The following ITPR1 variants were observed in gnomAD, a reference collection of about 807,000 sequenced individuals.
ITPR1 encodes the protein inositol 1,4,5-trisphosphate receptor type 1.
ITPR1 carries 96 observed loss-of-function variants against 318.4 expected under a neutral mutation model. The ratio of observed to expected loss-of-function variants is 0.30; its 90% CI spans 0.26 to 0.36. ITPR1 has a LOEUF of 0.36. ITPR1 is among the 10% of genes least tolerant of loss of function. ITPR1 has a pLI of 1.00. For missense variants in ITPR1, 2,440 were observed against 3,460.2 expected (o/e 0.71, Z 7.40); for synonymous variants, 1,312 against 1,289.9 (o/e 1.02, Z -0.37).
chr3:4,677,434 G>A (rs1162508520), intron 24 of ITPR1, among the ~76,000 whole-genome samples: 1 of 152,166 alleles, frequency 6.6e-6, no homozygotes, highest in Non-Finnish European at 1.5e-5. Context: ...GGTTATCAGA[G>A]AAGGCCTCTC....
chr3:4,652,329 C>A, intron 11 of ITPR1, 111 bp downstream of exon 11: 1 of 705,318 alleles, frequency 1.4e-6, no homozygotes, highest in South Asian at 1.8e-5. Context: ...TACACTCAGT[C>A]ACCTTGCTTT....
At chr3:4,769,553 G>C (rs2046053639) in intron 46 of ITPR1, among the ~76,000 whole-genome samples, 1 of 152,210 alleles carries the variant, frequency 6.6e-6, no homozygotes, top group Non-Finnish European at 1.5e-5. Context: ...AATATTTGCT[G>C]AACTGATTAT....
chr3:4,740,749 A>G (rs2043641180), intron 44 of ITPR1, among the ~76,000 whole-genome samples: 1 of 152,214 alleles, frequency 6.6e-6, no homozygotes, highest in African/African-American at 2.4e-5. Flanking sequence ...CCATCAGAGC[A>G]GGCTTCACAT....
At chr3:4,747,894 G>T (rs1190275746) in intron 44 of ITPR1, among the ~76,000 whole-genome samples, 5 of 152,210 alleles carry the variant, frequency 3.3e-5, no homozygotes, top group Admixed American at 2.6e-4. Context: ...ATGTTCTTTG[G>T]CATCATGTGA....
In ITPR1 at chr3:4,766,427, G is replaced by C. The variant is rs909869562; in HGVS notation, c.5545-103G>C. ...TGATCTAAACTTAGATCATGCGTGA[G>C]GTTTTGCAACTGGCTCTGATCTTCA... On this transcript the variant is annotated intron_variant, in intron 44 of 61. Transcript: ENST00000649015. The C allele has an allele frequency of 9.0e-6, 8 of 886,592 alleles. 1 individual carries two copies. The highest frequency in any genetic ancestry group is 2.4e-5 in the East Asian group (1 of 41,124). The allele number at this position is 886,592 out of a possible 1,614,324, so 54.9% of individuals were successfully genotyped here. A position where few individuals can be genotyped will look rare whatever the true frequency, so the allele number is the denominator to read the frequency against.
Position 4,779,633 on chromosome 3 carries a change from G to A in ITPR1, c.6375G>A (p.Arg2125=). The A allele has an allele frequency of 6.2e-7, 1 of 1,610,462 alleles. No homozygotes were observed. Among genetic ancestry groups the A allele is most frequent in the Non-Finnish European group, 8.5e-7 (1 of 1,177,332 alleles). ...CAGAGAGGATACTTTATAACATGAG[G>A]CCCAAGGAACTGGTGAGTCGGGTGA... ...ENAERILYNM[R]PKELVEVIKK... Residue 2125 remains arginine, a synonymous_variant, in exon 49 of 62, where the codon AGG becomes AGA. Coordinates refer to ENST00000649015, the MANE Select transcript of ITPR1 (RefSeq NM_001378452.1). This position sits in a 1 kb window ranked among gnomAD's most constrained non-coding sequence, Gnocchi z 4.0.
chr3:4,607,645 G>C (rs949164966), intron 4 of ITPR1, among the ~76,000 whole-genome samples: 4 of 152,088 alleles, frequency 2.6e-5, no homozygotes. Context: ...TTGGGGAAAG[G>C]TGGGGGTGGC....
intron 4 of ITPR1, among the ~76,000 whole-genome samples, chr3:4,604,669 C>CTGGG (rs201314056): frequency 0.011 from 1,696 of 152,136 alleles, 32 homozygotes; most frequent in Middle Eastern, 0.041. Context: ...GTCATCTTAG[C>CTGGG]TGGGAAGGGG....
chr3:4,503,859 A>C (rs191958495), intron 2 of ITPR1, among the ~76,000 whole-genome samples: 1,574 of 152,230 alleles, frequency 0.01, 23 homozygotes, highest in African/African-American at 0.036. Context: ...CTATGTGGGC[A>C]GAGGGGTGTC....
At chr3:4,689,751 T>C (rs2094451971) in intron 31 of ITPR1, among the ~76,000 whole-genome samples, 1 of 152,240 alleles carries the variant, frequency 6.6e-6, no homozygotes, top group South Asian at 2.1e-4. Flanking sequence ...AGAATCTTCA[T>C]GGCTGTGTGG....
At chr3:4,733,265 T>G (rs1295699447) in intron 43 of ITPR1, 45 bp downstream of exon 43, 3 of 1,602,064 alleles carry the variant, frequency 1.9e-6, no homozygotes, top group Non-Finnish European at 2.6e-6. Flanking sequence ...ATCAAGTGTG[T>G]TCTGTGATAG....
At position 4,621,386 on chromosome 3, in the gene ITPR1, A is replaced by G. The variant is rs114837994; in HGVS notation, c.164-6377A>G. On this transcript the variant is annotated intron_variant, in intron 4 of 61. Transcript: ENST00000649015. ...AACTAGATCTTGCGAGCACTCACTC[A>G]GTATCATGAGCACAGCACCAAAGAG... is the stretch of plus-strand genomic sequence containing the variant. Among the ~76,000 whole-genome samples, 653 of 152,308 alleles carry G rather than the reference A, an allele frequency of 4.3e-3. 3 individuals are homozygous for G. The highest frequency in any genetic ancestry group is 6.3e-3 in the Non-Finnish European group (430 of 68,018).
At chr3:4,843,112 G>T (rs1013558880) in intron 61 of ITPR1, among the ~76,000 whole-genome samples, 28 of 133,488 alleles carry the variant, frequency 2.1e-4, no homozygotes, top group African/African-American at 7.1e-4. Context: ...CTTGTAATTG[G>T]ATGATGACTG....
At chr3:4,631,470 A>G (rs1330339030) in intron 5 of ITPR1, among the ~76,000 whole-genome samples, 1 of 152,160 alleles carries the variant, frequency 6.6e-6, no homozygotes, top group African/African-American at 2.4e-5. Flanking sequence ...GTGTTTTTAT[A>G]TGTTTCTCAA....
intron 16 of ITPR1, among the ~76,000 whole-genome samples, chr3:4,664,928 A>C (rs142562144): frequency 6.6e-6 from 1 of 152,192 alleles, no homozygotes; most frequent in Non-Finnish European, 1.5e-5. Context: ...TGTTAGGTGT[A>C]TGAGGACCAG....
chr3:4,584,556 TG>T (rs1404748141), intron 4 of ITPR1, among the ~76,000 whole-genome samples: 6 of 33,912 alleles, frequency 1.8e-4, no homozygotes, highest in South Asian at 2.7e-3. Flanking sequence ...AGAGAGTTAG[TG>T]GGTTTTTTTT....
chr3:4,612,293 C>T (rs1337507594), intron 4 of ITPR1, among the ~76,000 whole-genome samples: 1 of 151,906 alleles, frequency 6.6e-6, no homozygotes, highest in African/African-American at 2.4e-5. Flanking sequence ...AGCTCCTGAC[C>T]TCAGGTGATC....
intron 61 of ITPR1, among the ~76,000 whole-genome samples, chr3:4,841,608 A>C (rs1211792628): frequency 6.6e-6 from 1 of 152,240 alleles, no homozygotes; most frequent in Non-Finnish European, 1.5e-5. Flanking sequence ...ATTATAATTA[A>C]ACTTGGTGAG....
At chr3:4,766,416 A>G (rs2045822645) in intron 44 of ITPR1, 114 bp from the exon 45 acceptor site, 1 of 780,134 alleles carries the variant, frequency 1.3e-6, no homozygotes, top group Admixed American at 2.4e-5. Context: ...CTAAACTTAG[A>G]TCATGCGTGA....
Sources: allele counts gnomAD v4.1 joint callset (sites outside exome capture counted in the v4.1 genomes callset), GRCh38; gene constraint gnomAD v4.1.1; non-coding constraint Gnocchi (gnomAD v3.1); transcripts MANE v1.5; gene names NCBI Gene and HGNC (gene_info 2026-07-23, HGNC 2026-07-21).